Variants in PLEKHA7 observed in about 807,000 individuals in gnomAD.
PLEKHA7 encodes the protein pleckstrin homology domain containing A7, also known as pleckstrin homology domain-containing family A member 7.
A neutral mutation model predicts 170.0 loss-of-function variants in PLEKHA7; 104 were observed. The observed-to-expected ratio is 0.61, with a 90% CI of 0.52 to 0.72. The LOEUF (loss-of-function observed/expected upper bound fraction) is 0.72. Among genes scored for constraint, PLEKHA7 ranks in the 30% least tolerant of loss-of-function variants. The pLI is 0.00. For missense variants in PLEKHA7, 1,615 were observed against 1,671.7 expected (o/e 0.97, Z 0.59); for synonymous variants, 648 against 660.8 (o/e 0.98, Z 0.30).
intron 3 of PLEKHA7, among the ~76,000 whole-genome samples, chr11:16,995,466 C>T (rs987205689): frequency 3.3e-5 from 5 of 152,182 alleles, no homozygotes; most frequent in African/African-American, 1.2e-4. Flanking sequence ...GACCCCTGCA[C>T]ACACACCAAG....
intron 3 of PLEKHA7, among the ~76,000 whole-genome samples, chr11:16,922,285 G>C (rs1488354309): frequency 3.9e-5 from 6 of 152,198 alleles, no homozygotes; most frequent in Non-Finnish European, 8.8e-5. Context: ...CAATTGGTAA[G>C]TACTGCATTA....
rs555160823 is a variant in PLEKHA7 at position 16,995,475 on chromosome 11, A to T, written c.221+18514T>A. ...TCACAAGACCCCTGCACACACACCA[A>T]GTCTTCTGAGACTCATCCAGCCCCT... On this transcript the variant is annotated intron_variant, in intron 3 of 26. Coordinates refer to ENST00000531066, the MANE Select transcript of PLEKHA7 (RefSeq NM_001329630.2). Among the ~76,000 whole-genome samples, 8 of 152,178 alleles carry T rather than the reference A, an allele frequency of 5.3e-5. No homozygotes were observed. The South Asian group carries it at 1.7e-3, about 32-fold the overall frequency.
In PLEKHA7 at chr11:16,791,031, A is replaced by G. The variant is rs763549082; in HGVS notation, c.2914T>C (p.Cys972Arg). ...CTCACCCTGGAATCCCCATTCACACACTGCCCCAGCTCCCGGTCTCGCTTC... is the reference window on the plus strand; with the variant it reads ...CTCACCCTGGAATCCCCATTCACACGCTGCCCCAGCTCCCGGTCTCGCTTC... ...ERKRDRELGQ[C>R]VNGDSRVELR... The change falls in exon 20 of 27, where the codon TGT (cysteine) becomes CGT (arginine). Residue 972 changes from cysteine (C) to arginine (R), a missense_variant. Physicochemically the swap from Cys to Arg is radical, Grantham distance 180. Coordinates refer to ENST00000531066, the MANE Select transcript of PLEKHA7 (RefSeq NM_001329630.2). This position sits in a 1 kb window ranked among gnomAD's most constrained non-coding sequence, Gnocchi z 4.5. 2.5e-6 allele frequency: 4 copies of G among 1,613,856 alleles called. No homozygotes were observed. The highest frequency in any genetic ancestry group is 2.7e-5 in the African/African-American group (2 of 74,872).
chr11:16,801,889 G>A (rs1170110399), intron 15 of PLEKHA7, 72 bp from the exon 16 acceptor site: 1 of 1,581,786 alleles, frequency 6.3e-7, no homozygotes, highest in Non-Finnish European at 8.6e-7. Context: ...ACCACACCAG[G>A]AACCAAAGCT....
At chr11:16,892,406 T>TTG (rs58762762) in intron 3 of PLEKHA7, among the ~76,000 whole-genome samples, 2,476 of 136,854 alleles carry the variant, frequency 0.018, 78 homozygotes, top group African/African-American at 0.054. Context: ...TTGTTTTATT[T>TTG]TGTGTGTGTG....
intron 3 of PLEKHA7, among the ~76,000 whole-genome samples, chr11:16,991,813 T>C (rs1864062007): frequency 6.6e-6 from 1 of 152,146 alleles, no homozygotes; most frequent in Non-Finnish European, 1.5e-5. Context: ...CTCCAGCTGC[T>C]ATACTAGCAG....
chr11:16,927,858 G>A (rs1234985701), intron 3 of PLEKHA7, among the ~76,000 whole-genome samples: 1 of 152,168 alleles, frequency 6.6e-6, no homozygotes, highest in Non-Finnish European at 1.5e-5. Flanking sequence ...TGTACGACAG[G>A]AAATTGGTTA....
intron 3 of PLEKHA7, among the ~76,000 whole-genome samples, chr11:16,880,363 TAAAGA>T (rs1200108299): frequency 6.6e-6 from 1 of 152,200 alleles, no homozygotes; most frequent in Non-Finnish European, 1.5e-5. Flanking sequence ...AGTTTATCTG[TAAAGA>T]AAAGATTAAT....
intron 3 of PLEKHA7, among the ~76,000 whole-genome samples, chr11:16,959,227 C>CCCCA (rs544660869): frequency 0.49 from 48,954 of 100,932 alleles, 8,463 homozygotes; most frequent in African/African-American, 0.51. Flanking sequence ...CTGCTCCCCT[C>CCCCA]TCTCCCCCTC....
intron 3 of PLEKHA7, among the ~76,000 whole-genome samples, chr11:16,962,917 C>G (rs1862153633): frequency 6.6e-6 from 1 of 152,224 alleles, no homozygotes; most frequent in Admixed American, 6.5e-5. Flanking sequence ...GCCTTGGGAA[C>G]TAGATGGCAC....
intron 3 of PLEKHA7, among the ~76,000 whole-genome samples, chr11:16,990,272 T>A (rs1863955334): frequency 3.5e-5 from 1 of 28,342 alleles, no homozygotes; most frequent in Admixed American, 5.0e-4. Flanking sequence ...AGACCCTGTC[T>A]CAAAAAAAAA....
At chr11:16,905,824 T>A (rs1282351281) in intron 3 of PLEKHA7, among the ~76,000 whole-genome samples, 2 of 152,202 alleles carry the variant, frequency 1.3e-5, no homozygotes, top group African/African-American at 4.8e-5. Flanking sequence ...ACAAACACTT[T>A]CAATATGAAG....
At chr11:16,935,439 T>A (rs1860220108) in intron 3 of PLEKHA7, among the ~76,000 whole-genome samples, 1 of 152,188 alleles carries the variant, frequency 6.6e-6, no homozygotes, top group Non-Finnish European at 1.5e-5. Context: ...AGATTAAATG[T>A]GTCGGTCCTT....
Position 16,826,347 on chromosome 11 carries a change from G to T in PLEKHA7, c.1116C>A (p.Ala372=), listed in dbSNP as rs1305504478. Residue 372 remains alanine (A), a synonymous_variant, in exon 10 of 27, where the codon GCC becomes GCA. Coordinates refer to ENST00000531066, the MANE Select transcript of PLEKHA7 (RefSeq NM_001329630.2). The part of the protein sequence containing the change: ...RSPYSPAEED[A]LFMDLPTGPR... ...GGCCAGTGGGTAAATCCATAAACAA[G>T]GCATCCTCCTCGGCTGGCGAGTACG... is the stretch of plus-strand genomic sequence containing the variant. 1 of 1,614,132 alleles carries T rather than the reference G, an allele frequency of 6.2e-7. No individual in the cohort carries two copies. The highest frequency in any genetic ancestry group is 1.3e-5 in the African/African-American group (1 of 74,940).
At position 16,992,636 on chromosome 11, in the gene PLEKHA7, G is replaced by A. The variant is rs546221991; in HGVS notation, c.221+21353C>T. On this transcript the variant is annotated intron_variant, in intron 3 of 26. Coordinates refer to ENST00000531066, the MANE Select transcript of PLEKHA7 (RefSeq NM_001329630.2). ...CCAGGTGTGGTGGCACATACCTGTA[G>A]TCCCAGCTACATGGGAGGCAGAGGC... Among the ~76,000 whole-genome samples the A allele has an allele frequency of 8.5e-4, 129 of 151,448 alleles. 2 individuals are homozygous for A. In the Middle Eastern group the frequency reaches 0.01, roughly 12 times the overall value.
chr11:17,003,795 C>T (rs1864817289), intron 3 of PLEKHA7, among the ~76,000 whole-genome samples: 1 of 152,200 alleles, frequency 6.6e-6, no homozygotes, highest in Admixed American at 6.5e-5. Context: ...TGGGCTTCAA[C>T]AAAAACCAAC....
At chr11:17,007,297 T>C (rs1024333926) in intron 3 of PLEKHA7, among the ~76,000 whole-genome samples, 2 of 152,196 alleles carry the variant, frequency 1.3e-5, no homozygotes. Flanking sequence ...TTAATTTTTC[T>C]TTATGTAGAA....
At chr11:16,979,679 CTT>C (rs1590773109) in intron 3 of PLEKHA7, among the ~76,000 whole-genome samples, 1 of 151,844 alleles carries the variant, frequency 6.6e-6, no homozygotes, top group East Asian at 1.9e-4. Context: ...AATACTCAAA[CTT>C]TGAGAACCTG....
chr11:17,000,587 C>A (rs766683778), intron 3 of PLEKHA7, among the ~76,000 whole-genome samples: 10 of 152,196 alleles, frequency 6.6e-5, no homozygotes, highest in Non-Finnish European at 1.3e-4. Flanking sequence ...GAGAACCAAC[C>A]ACAGCTCCTC....
Sources: gnomAD v4.1 joint callset for allele counts (sites outside exome capture counted in the v4.1 genomes callset) on GRCh38, gnomAD v4.1.1 for gene constraint, Gnocchi (gnomAD v3.1) non-coding constraint, MANE v1.5 for transcripts, NCBI Gene and HGNC (gene_info 2026-07-23, HGNC 2026-07-21) for gene names.